The following PNPLA7 variants were observed in gnomAD, a reference collection of about 807,000 sequenced individuals.
The protein encoded by PNPLA7 is patatin like domain 7, lysophospholipase, also known as patatin-like phospholipase domain-containing protein 7.
PNPLA7 carries 153 observed loss-of-function variants against 161.7 expected under a neutral mutation model. The ratio of observed to expected loss-of-function variants is 0.95; its 90% CI spans 0.83 to 1.08. The LOEUF (loss-of-function observed/expected upper bound fraction) is 1.08, where lower values mean the gene tolerates loss of function less well. PNPLA7 is among the 50% of genes least tolerant of loss of function. The pLI is 0.00. For synonymous variants in PNPLA7, 809 were observed against 782.1 expected (o/e 1.03, Z -0.57); for missense variants, 1,739 against 1,856.6 (o/e 0.94, Z 1.16).
intron 25 of PNPLA7, among the ~76,000 whole-genome samples, chr9:137,469,075 G>GT (rs1404313593): frequency 6.6e-6 from 1 of 152,060 alleles, no homozygotes; most frequent in Non-Finnish European, 1.5e-5. Context: ...AAAAACCCAA[G>GT]TTCAAGGAAT....
chr9:137,550,139 C>T, intron 1 of PNPLA7, 29 bp downstream of exon 1: 1 of 1,612,622 alleles, frequency 6.2e-7, no homozygotes, highest in Non-Finnish European at 8.5e-7. Context: ...ACTGGGAAAT[C>T]CAGGCATCTG....
chr9:137,483,384 AACG>A (rs1832319969), intron 21 of PNPLA7, among the ~76,000 whole-genome samples: 1 of 152,254 alleles, frequency 6.6e-6, no homozygotes, highest in Non-Finnish European at 1.5e-5. Context: ...TGTGTCATGT[AACG>A]ACGGTCAAGG....
At chr9:137,502,035 A>G (rs1480270883) in intron 14 of PNPLA7, among the ~76,000 whole-genome samples, 1 of 152,212 alleles carries the variant, frequency 6.6e-6, no homozygotes, top group Non-Finnish European at 1.5e-5. Context: ...TTTTAGGGAG[A>G]AAGGGTGATT....
chr9:137,530,804 T>C (rs753682546), intron 8 of PNPLA7, among the ~76,000 whole-genome samples: 8 of 151,424 alleles, frequency 5.3e-5, no homozygotes, highest in Non-Finnish European at 7.4e-5. Context: ...TGCTCACCTG[T>C]GTAGACCAGG....
At position 137,484,649 on chromosome 9, in the gene PNPLA7, A is replaced by G. The variant is rs147764151; in HGVS notation, c.2285T>C (p.Val762Ala). The part of the protein sequence containing the change: ...VNLSTVAVMP[V>A]SEEVPLTAFA... ...GGCGGTGAGGGGCACTTCCTCTGAC[A>G]CGGGCATCACTGCCACCGTGGACAG... Residue 762 changes from valine (V) to alanine (A), a missense_variant, in exon 21 of 35, where the codon GTG becomes GCG. Val to Ala is a moderately conservative substitution (Grantham distance 64, BLOSUM62 0). Coordinates refer to ENST00000406427, the MANE Select transcript of PNPLA7 (RefSeq NM_001098537.3). The G allele has an allele frequency of 1.2e-6, 2 of 1,612,604 alleles. No homozygotes were observed. The highest frequency in any genetic ancestry group is 1.1e-5 in the South Asian group (1 of 90,798).
At position 137,501,738 on chromosome 9, in the gene PNPLA7, A is replaced by C; in HGVS notation, c.1474-11T>G. The C allele has an allele frequency of 6.2e-7, 1 of 1,611,966 alleles. No individual in the cohort carries two copies. The highest frequency in any genetic ancestry group is 8.5e-7 in the Non-Finnish European group (1 of 1,179,526). ...CAACAGAGATGAGTCCTAAAAACAG[A>C]GCAGACTTCAGGGAACACGGGCGGG... On this transcript the variant is annotated splice_polypyrimidine_tract_variant and intron_variant, in intron 14 of 34. Coordinates refer to ENST00000406427, the MANE Select transcript of PNPLA7 (RefSeq NM_001098537.3).
chr9:137,543,584 A>T lies in PNPLA7; in HGVS notation c.366-12T>A, dbSNP rs758495655. 1.2e-6 allele frequency: 2 copies of T among 1,609,646 alleles called. No individual in the cohort carries two copies. Among genetic ancestry groups the T allele is most frequent in the South Asian group, 2.2e-5 (2 of 90,278 alleles). ...TGAAACGCAGAATCCTACAAGGCAGAGACACACTAGCCTTGAGCAGACCAG... is the reference window on the plus strand; with the variant it reads ...TGAAACGCAGAATCCTACAAGGCAGTGACACACTAGCCTTGAGCAGACCAG... On this transcript the variant is annotated splice_polypyrimidine_tract_variant and intron_variant, in intron 5 of 34. Coordinates refer to ENST00000406427, the MANE Select transcript of PNPLA7 (RefSeq NM_001098537.3). This position sits in a 1 kb window ranked among gnomAD's most constrained non-coding sequence, Gnocchi z 6.9.
In PNPLA7 at chr9:137,523,865, C is replaced by T. The variant is rs1443807857; in HGVS notation, c.748-1008G>A. ...CAGGAGGGTCTCGATCTCCTGACCTCGTGATCCGCCCACCTCGGCCTCCCA... is the reference window on the plus strand; with the variant it reads ...CAGGAGGGTCTCGATCTCCTGACCTTGTGATCCGCCCACCTCGGCCTCCCA... On this transcript the variant is annotated intron_variant, in intron 8 of 34. Transcript: ENST00000406427. The surrounding 1 kb of genome is among the most constrained non-coding windows in gnomAD (Gnocchi z 4.4). Among the ~76,000 whole-genome samples the T allele has an allele frequency of 9.2e-5, 14 of 152,136 alleles. No individual in the cohort carries two copies. The highest frequency in any genetic ancestry group is 1.6e-4 in the Non-Finnish European group (11 of 68,026).
In PNPLA7 at chr9:137,540,601, AACCCAGGG is replaced by A. The variant is rs2132618263; in HGVS notation, c.747+33_747+40del. 1.3e-6 allele frequency: 2 copies of A among 1,566,590 alleles called. No homozygotes were observed. The highest frequency in any genetic ancestry group is 1.1e-5 in the South Asian group (1 of 87,490). On this transcript the variant is annotated intron_variant, in intron 8 of 34. Coordinates refer to ENST00000406427, the MANE Select transcript of PNPLA7 (RefSeq NM_001098537.3). The surrounding 1 kb of genome is among the most constrained non-coding windows in gnomAD (Gnocchi z 5.1). ...ACAGAAAAACCAGGCCTCCGGGGCCAACCCAGGGGCGCCCGGAGGGCCAGGCAGCGGGG... is the reference window on the plus strand; with the variant it reads ...ACAGAAAAACCAGGCCTCCGGGGCCAGCGCCCGGAGGGCCAGGCAGCGGGG...
intron 21 of PNPLA7, 87 bp from the exon 22 acceptor site, chr9:137,481,110 C>G: frequency 7.0e-7 from 1 of 1,434,466 alleles, no homozygotes; most frequent in Non-Finnish European, 9.6e-7. Flanking sequence ...AAGGTACCGA[C>G]GCCGAGCCAG....
Position 137,547,768 on chromosome 9 carries a change from G to T in PNPLA7, c.31-109C>A. 1 of 1,048,842 alleles carries T rather than the reference G, an allele frequency of 9.5e-7. No homozygotes were observed. The allele number at this position is 1,048,842 out of a possible 1,614,324, so 65.0% of individuals were successfully genotyped here. On this transcript the variant is annotated intron_variant, in intron 1 of 34. Coordinates refer to ENST00000406427, the MANE Select transcript of PNPLA7 (RefSeq NM_001098537.3). The surrounding 1 kb of genome is among the most constrained non-coding windows in gnomAD (Gnocchi z 4.6). ...AGTTAGGGGAGAAGTCAGCAGCCCT[G>T]GAGACTTCTGGGAAGAAGTGATCTC...
chr9:137,547,579 G>C lies in PNPLA7; in HGVS notation c.105+6C>G. 1 of 1,613,246 alleles carries C rather than the reference G, an allele frequency of 6.2e-7. No homozygotes were observed. Among genetic ancestry groups the C allele is most frequent in the Non-Finnish European group, 8.5e-7 (1 of 1,179,806 alleles). On this transcript the variant is annotated splice_donor_region_variant and intron_variant, in intron 2 of 34. Transcript: ENST00000406427. This position sits in a 1 kb window ranked among gnomAD's most constrained non-coding sequence, Gnocchi z 4.6. ...GTCTGGCTCCAGGGAAGCGTGAGGT[G>C]ATTACCATGGTGGACGGTGAACCTT...
In PNPLA7 at chr9:137,501,699, G is replaced by T; in HGVS notation, c.1502C>A (p.Ala501Glu). 6.2e-7 allele frequency: 1 copy of T among 1,612,574 alleles called. No individual in the cohort carries two copies. Among genetic ancestry groups the T allele is most frequent in the Non-Finnish European group, 8.5e-7 (1 of 1,179,874 alleles). Residue 501 changes from alanine to glutamate, a missense_variant, in exon 15 of 35, where the codon GCG becomes GAG. Physicochemically the swap from Ala to Glu is moderately radical, Grantham distance 107. Around this residue, in one of 6 missense-constraint regions of PNPLA7, gnomAD observed 481 missense variants for 450.0 expected, o/e 1.07. Coordinates refer to ENST00000406427, the MANE Select transcript of PNPLA7 (RefSeq NM_001098537.3). The stretch of plus-strand genomic sequence containing the variant: ...CGTGCCTGCAGGAACGTGCAGAAGC[G>T]CCACCCGGCCATCCAACAGAGATGA... ...EDSSLLDGRVALLHVPAGTVV... is the reference protein window; with the variant it reads ...EDSSLLDGRVELLHVPAGTVV...
intron 21 of PNPLA7, among the ~76,000 whole-genome samples, chr9:137,482,090 A>G (rs1257262603): frequency 1.3e-5 from 2 of 152,244 alleles, no homozygotes; most frequent in African/African-American, 2.4e-5. Flanking sequence ...AATCCAGCCC[A>G]ATGCTGGTGC....
rs769492968 is a variant in PNPLA7, at chr9:137,547,779, G to A, written c.31-120C>T. Reference sequence around the variant, plus strand: ...AAGTCAGCAGCCCTGGAGACTTCTGGGAAGAAGTGATCTCGCCCGGGGTGC... The same window carrying A: ...AAGTCAGCAGCCCTGGAGACTTCTGAGAAGAAGTGATCTCGCCCGGGGTGC... On this transcript the variant is annotated intron_variant, in intron 1 of 34. Coordinates refer to ENST00000406427, the MANE Select transcript of PNPLA7 (RefSeq NM_001098537.3). This position sits in a 1 kb window ranked among gnomAD's most constrained non-coding sequence, Gnocchi z 4.6. The A allele has an allele frequency of 5.3e-5, 51 of 971,244 alleles. No individual in the cohort carries two copies. Among genetic ancestry groups the A allele is most frequent in the Admixed American group, 1.3e-4 (7 of 52,762 alleles). 60.2% of individuals were successfully genotyped at this position (971,244 alleles called of 1,614,324 possible). A position where few individuals can be genotyped will look rare whatever the true frequency, so the allele number is the denominator to read the frequency against.
intron 11 of PNPLA7, among the ~76,000 whole-genome samples, chr9:137,517,821 C>T (rs1834697278): frequency 3.9e-5 from 1 of 25,364 alleles, no homozygotes; most frequent in Non-Finnish European, 7.4e-5. Context: ...CCCCGTCACT[C>T]ACTCCACTCT....
intron 25 of PNPLA7, among the ~76,000 whole-genome samples, chr9:137,471,618 C>G (rs938092253): frequency 6.7e-6 from 1 of 149,420 alleles, no homozygotes; most frequent in Non-Finnish European, 1.5e-5. Context: ...AAAAAAGATA[C>G]CATTTATAAT....
rs370385708 is a variant in PNPLA7, at chr9:137,460,423, C to G, written c.3999G>C (p.Leu1333=). 5.4e-5 allele frequency: 87 copies of G among 1,612,700 alleles called. No homozygotes were observed. The Middle Eastern group carries it at 2.5e-3, about 46-fold the overall frequency. ...CGTCCTGGTCAGAGGAGCCCTCAGA[C>G]AGTTTTGGGAAAGCCAGACTGGGGT... The part of the protein sequence containing the change: ...HRHPSLAFPK[L]SEGSSDQDG The change falls in exon 35 of 35, where the codon CTG becomes CTC. Residue 1333 remains leucine (L), a synonymous_variant. Coordinates refer to ENST00000406427, the MANE Select transcript of PNPLA7 (RefSeq NM_001098537.3).
chr9:137,548,701 T>C (rs1481751394), intron 1 of PNPLA7, among the ~76,000 whole-genome samples: 1 of 152,146 alleles, frequency 6.6e-6, no homozygotes, highest in Non-Finnish European at 1.5e-5. Context: ...TGAGCTGAGA[T>C]TGTGCTACTG....
Sources: gnomAD v4.1 joint callset for allele counts (sites outside exome capture counted in the v4.1 genomes callset) on GRCh38, gnomAD v4.1.1 for gene constraint, gnomAD v4.1.1 regional missense constraint, Gnocchi (gnomAD v3.1) non-coding constraint, MANE v1.5 for transcripts, NCBI Gene and HGNC (gene_info 2026-07-23, HGNC 2026-07-21) for gene names.